Variants in NIF3L1 observed in about 807,000 individuals in gnomAD.
NIF3L1 encodes the protein NGG1 interacting factor 3 like 1, also known as NIF3-like protein 1.
Under a neutral mutation model 35.0 loss-of-function variants are expected in NIF3L1, and 26 were observed. The ratio of observed to expected loss-of-function variants is 0.74; its 90% CI spans 0.54 to 1.03. The LOEUF (loss-of-function observed/expected upper bound fraction) is 1.03, where lower values mean the gene tolerates loss of function less well. Among genes scored for constraint, NIF3L1 ranks in the 50% least tolerant of loss-of-function variants. The pLI is 0.00. For synonymous variants in NIF3L1, 157 were observed against 178.9 expected (o/e 0.88, Z 0.98); for missense variants, 449 against 466.3 (o/e 0.96, Z 0.34).
In NIF3L1 at chr2:200,891,950, T is replaced by C. The variant is rs763577122; in HGVS notation, c.7T>C (p.Ser3Pro). 4 of 1,602,594 alleles carry C rather than the reference T, an allele frequency of 2.5e-6. No individual in the cohort carries two copies. The South Asian group carries it at 4.4e-5, about 18-fold the overall frequency. MLSSCVRPVPTTV... is the reference protein window; with the variant it reads MLPSCVRPVPTTV... Reference sequence around the variant, plus strand: ...AACTTTACCTGATTTCTGTATGTTGTCATCTTGCGTACGCCCAGTCCCCAC... The same window carrying C: ...AACTTTACCTGATTTCTGTATGTTGCCATCTTGCGTACGCCCAGTCCCCAC... Residue 3 changes from serine (S) to proline (P), a missense_variant, in exon 2 of 7, where the codon TCA (serine) becomes CCA (proline). By Grantham distance (74) the Ser-to-Pro change is moderately conservative. Transcript: ENST00000409020.
chr2:200,890,644 A>G (rs2040162836), intron 1 of NIF3L1: 1 of 152,262 alleles, frequency 6.6e-6, no homozygotes, highest in Admixed American at 6.5e-5. Flanking sequence ...TTAAACATTT[A>G]CTAATTGTGC....
intron 2 of NIF3L1, 151 bp from the exon 3 acceptor site, chr2:200,893,095 G>A (rs1453143555): frequency 4.2e-6 from 2 of 472,998 alleles, no homozygotes; most frequent in Non-Finnish European, 3.7e-6. Context: ...GACTGGTGAT[G>A]TATATCTAAG....
At chr2:200,892,471 T>G (rs941609786) in intron 2 of NIF3L1, 92 bp downstream of exon 2, 2 of 935,680 alleles carry the variant, frequency 2.1e-6, no homozygotes, top group Non-Finnish European at 3.1e-6. Flanking sequence ...GCTTTAGGGT[T>G]GGGGAGGGCA....
chr2:200,895,159 G>T, intron 3 of NIF3L1, 105 bp from the exon 4 acceptor site: 2 of 1,086,022 alleles, frequency 1.8e-6, no homozygotes, highest in Non-Finnish European at 2.7e-6. Context: ...TTAAATCCTT[G>T]GTTCCACATA....
chr2:200,892,346 C>T lies in NIF3L1; in HGVS notation c.403C>T (p.Gln135Ter), dbSNP rs1443484028. The T allele has an allele frequency of 1.9e-6, 3 of 1,607,572 alleles. No individual in the cohort carries two copies. The African/African-American group carries it at 4.0e-5, about 21-fold the overall frequency. Reference protein sequence around the residue: ...SPHTAYDAAPQGVNNWLAKGL... With the variant: ...SPHTAYDAAP ...TCATACAGCCTATGATGCTGCGCCC[C>T]AGGGCGTCAACAACTGGTTGGCTAA... Residue 135 changes from glutamine to a stop codon, truncating the protein, a stop_gained, in exon 2 of 7, where the codon CAG becomes TAG. Coordinates refer to ENST00000409020, the MANE Select transcript of NIF3L1 (RefSeq NM_001369441.2). LOFTEE classifies it high-confidence loss of function.
At chr2:200,891,472 T>C (rs984570298) in intron 1 of NIF3L1, among the ~76,000 whole-genome samples, 7 of 152,004 alleles carry the variant, frequency 4.6e-5, no homozygotes, top group Non-Finnish European at 1.0e-4. Context: ...TGGGGAGCCT[T>C]GGGAAGGATG....
intron 6 of NIF3L1, among the ~76,000 whole-genome samples, chr2:200,901,504 A>G (rs2040409674): frequency 6.6e-6 from 1 of 152,212 alleles, no homozygotes; most frequent in Non-Finnish European, 1.5e-5. Context: ...AATAGAAAAT[A>G]TATTATCCGG....
intron 2 of NIF3L1, 99 bp downstream of exon 2, chr2:200,892,478 G>A: frequency 1.2e-6 from 1 of 812,280 alleles, no homozygotes; most frequent in Non-Finnish European, 1.8e-6. Context: ...GGTTGGGGAG[G>A]GCATGATTCC....
Position 200,893,402 on chromosome 2 carries a change from C to T in NIF3L1, c.593C>T (p.Ser198Phe). The change falls in exon 3 of 7, where the codon TCT becomes TTT. Residue 198 changes from serine (S) to phenylalanine (F), a missense_variant. Transcript: ENST00000409020. ...GIDGVSVTSF[S>F]ARTGNEEQTR... The stretch of plus-strand genomic sequence containing the variant: ...GACGGTGTTTCTGTCACTTCTTTTT[C>T]TGCTAGGTACAATTTATTTTTCTCT... 1 of 1,613,658 alleles carries T rather than the reference C, an allele frequency of 6.2e-7. No homozygotes were observed. The highest frequency in any genetic ancestry group is 8.5e-7 in the Non-Finnish European group (1 of 1,179,738).
intron 6 of NIF3L1, among the ~76,000 whole-genome samples, chr2:200,902,540 C>T (rs1441204128): frequency 6.6e-6 from 1 of 151,842 alleles, no homozygotes; most frequent in Admixed American, 6.6e-5. Flanking sequence ...TGTACTCCAG[C>T]CTGGGTGACA....
At chr2:200,899,319 C>T in intron 5 of NIF3L1, 66 bp from the exon 6 acceptor site, 1 of 1,245,006 alleles carries the variant, frequency 8.0e-7, no homozygotes, top group South Asian at 1.2e-5. Flanking sequence ...ATTCTTGGTA[C>T]AAATTATAAT....
Position 200,893,380 on chromosome 2 carries a change from G to C in NIF3L1, c.571G>C (p.Gly191Arg). Residue 191 changes from glycine to arginine, a missense_variant, in exon 3 of 7, where the codon GGT becomes CGT. By Grantham distance (125) the Gly-to-Arg change is moderately radical. Transcript: ENST00000409020. ...KVMSAVKGIDGVSVTSFSART... is the reference protein window; with the variant it reads ...KVMSAVKGIDRVSVTSFSART... Reference sequence around the variant, plus strand: ...CATGTCTGCAGTGAAAGGAATTGACGGTGTTTCTGTCACTTCTTTTTCTGC... The same window carrying C: ...CATGTCTGCAGTGAAAGGAATTGACCGTGTTTCTGTCACTTCTTTTTCTGC... 6.2e-7 allele frequency: 1 copy of C among 1,613,556 alleles called. No homozygotes were observed. Among genetic ancestry groups the C allele is most frequent in the Non-Finnish European group, 8.5e-7 (1 of 1,179,756 alleles).
rs375513361 is a variant in NIF3L1 at position 200,892,235 on chromosome 2, C to T, written c.292C>T (p.Arg98Ter). ...TCTCTCCTACCATCCGCCTATCTTCCGACCCATGAAGCGCATAACCTGGAA... is the reference window on the plus strand; with the variant it reads ...TCTCTCCTACCATCCGCCTATCTTCTGACCCATGAAGCGCATAACCTGGAA... ...LILSYHPPIF[R>*]PMKRITWNTW... is the part of the protein sequence containing the mutation. The change falls in exon 2 of 7, where the codon CGA (arginine) becomes TGA (stop). Residue 98 changes from arginine (R) to a stop codon, truncating the protein, a stop_gained. Transcript: ENST00000409020. LOFTEE classifies it high-confidence loss of function. 15 of 1,614,068 alleles carry T rather than the reference C, an allele frequency of 9.3e-6. No individual in the cohort carries two copies. The African/African-American group carries it at 9.3e-5, about 10-fold the overall frequency.
chr2:200,893,188 TTTAAATC>T lies in NIF3L1; in HGVS notation c.437-53_437-47del, dbSNP rs1420898732. 1.0e-5 allele frequency: 14 copies of T among 1,387,474 alleles called. No homozygotes were observed. In the South Asian group the frequency reaches 2.0e-4, roughly 20 times the overall value. The allele number at this position is 1,387,474 out of a possible 1,614,324, so 85.9% of individuals were successfully genotyped here. ...GAAATTTTGCCTATAATAGTTTACT[TTTAAATC>T]TTAATCTCTCACCCCCCAAAACTCC... On this transcript the variant is annotated intron_variant, in intron 2 of 6. Coordinates refer to ENST00000409020, the MANE Select transcript of NIF3L1 (RefSeq NM_001369441.2).
At position 200,892,117 on chromosome 2, in the gene NIF3L1, A is replaced by C; in HGVS notation, c.174A>C (p.Pro58=). 1 of 1,614,214 alleles carries C rather than the reference A, an allele frequency of 6.2e-7. No individual in the cohort carries two copies. The highest frequency in any genetic ancestry group is 8.5e-7 in the Non-Finnish European group (1 of 1,180,046). The stretch of plus-strand genomic sequence containing the variant: ...ACAATGTTGGATTACTGGTGGAACC[A>C]AGCCCACCACATACTGTAAATACAC... ...SWDNVGLLVE[P]SPPHTVNTLF... Residue 58 remains proline (P), a synonymous_variant, in exon 2 of 7, where the codon CCA becomes CCC. Transcript: ENST00000409020.
chr2:200,899,194 C>A, intron 5 of NIF3L1, 191 bp from the exon 6 acceptor site: 1 of 434,614 alleles, frequency 2.3e-6, no homozygotes, highest in South Asian at 5.7e-5. Flanking sequence ...GTTAGCTATG[C>A]AATATCAAAG....
chr2:200,903,678 A>C lies in NIF3L1; in HGVS notation c.1134A>C (p.Ter378TyrextTer22). 6.2e-7 allele frequency: 1 copy of C among 1,611,904 alleles called. No homozygotes were observed. Among genetic ancestry groups the C allele is most frequent in the East Asian group, 2.2e-5 (1 of 44,872 alleles). The change falls in exon 7 of 7, where the codon TAA (stop) becomes TAC (tyrosine). Residue 378 changes from the stop codon to tyrosine, a stop_lost. Transcript: ENST00000409020. ...ACAGGGACCCTCTTCAGGTGGTATAATTGCAGAAACATCAGGATAACACAT... is the reference window on the plus strand; with the variant it reads ...ACAGGGACCCTCTTCAGGTGGTATACTTGCAGAAACATCAGGATAACACAT... ...ETDRDPLQVV[*>Y]
chr2:200,891,771 C>T, intron 1 of NIF3L1, 147 bp from the exon 2 acceptor site: 1 of 606,256 alleles, frequency 1.6e-6, no homozygotes, highest in Non-Finnish European at 2.9e-6. Context: ...AAATGGCTTA[C>T]CTAAGTTACA....
chr2:200,901,886 C>G (rs555970860), intron 6 of NIF3L1, among the ~76,000 whole-genome samples: 2 of 152,258 alleles, frequency 1.3e-5, no homozygotes, highest in South Asian at 4.1e-4. Flanking sequence ...CCAGACTTAC[C>G]TTTCCTAAAA....
Sources: gnomAD v4.1 joint callset for allele counts (sites outside exome capture counted in the v4.1 genomes callset) on GRCh38, gnomAD v4.1.1 for gene constraint, MANE v1.5 for transcripts, NCBI Gene and HGNC (gene_info 2026-07-23, HGNC 2026-07-21) for gene names.